Variants in MMEL1 observed in about 807,000 individuals in gnomAD.
MMEL1 encodes the protein membrane metalloendopeptidase like 1.
Under a neutral mutation model 117.1 loss-of-function variants are expected in MMEL1, and 98 were observed. That is an observed-to-expected ratio of 0.84 (90% CI 0.71 to 0.99). MMEL1 has a LOEUF of 0.99. Among genes scored for constraint, MMEL1 ranks in the 50% least tolerant of loss-of-function variants. MMEL1 has a pLI of 0.00. For missense variants in MMEL1, 1,014 were observed against 1,049.1 expected (o/e 0.97, Z 0.46); for synonymous variants, 390 against 415.1 (o/e 0.94, Z 0.74).
At chr1:2,594,759 C>G (rs370180695) in intron 17 of MMEL1, 31 bp downstream of exon 17, 3 of 1,579,458 alleles carry the variant, frequency 1.9e-6, no homozygotes, top group Non-Finnish European at 1.7e-6. Context: ...CTGGCCCCCC[C>G]CGCCCATGCC....
intron 11 of MMEL1, among the ~76,000 whole-genome samples, chr1:2,602,540 C>T (rs1014762980): frequency 2.0e-5 from 3 of 152,232 alleles, no homozygotes; most frequent in African/African-American, 7.2e-5. Flanking sequence ...GCTGCCATCT[C>T]TTGCCCGGGC....
rs768501690 is a variant in MMEL1 at position 2,607,067 on chromosome 1, C to A, written c.538G>T (p.Val180Leu). 3.7e-6 allele frequency: 6 copies of A among 1,611,880 alleles called. No homozygotes were observed. The African/African-American group carries it at 8.0e-5, about 21-fold the overall frequency. Residue 180 changes from valine (V) to leucine (L), a missense_variant and splice_region_variant, in exon 7 of 24, where the codon GTG becomes TTG. By Grantham distance (32) the Val-to-Leu change is conservative. Coordinates refer to ENST00000378412, the MANE Select transcript of MMEL1 (RefSeq NM_033467.4). Reference protein sequence around the residue: ...TLYRSCMNQSVIEKRGSQPLL... With the variant: ...TLYRSCMNQSLIEKRGSQPLL... ...GGCTGAGAGCCTCGCTTCTCTATCA[C>A]ACCTGAGAAGGGACGCAGTGGTCAC...
Position 2,615,247 on chromosome 1 carries a change from C to T in MMEL1, c.155-3043G>A, listed in dbSNP as rs549456988. ...AAGAAGGGAAAAAAGTAACTTGCAG[C>T]GCAGAAACCAGACACTACCTCCAGC... On this transcript the variant is annotated intron_variant, in intron 2 of 23. Transcript: ENST00000378412. Among the ~76,000 whole-genome samples the T allele has an allele frequency of 2.2e-4, 34 of 152,192 alleles. 1 individual carries two copies. Among genetic ancestry groups the T allele is most frequent in the Non-Finnish European group, 3.1e-4 (21 of 68,012 alleles).
Position 2,605,583 on chromosome 1 carries a change from T to C in MMEL1, c.791A>G (p.Tyr264Cys), listed in dbSNP as rs1645010460. The change falls in exon 9 of 24, where the codon TAC (tyrosine) becomes TGC (cysteine). Residue 264 changes from tyrosine to cysteine, a missense_variant. Coordinates refer to ENST00000378412, the MANE Select transcript of MMEL1 (RefSeq NM_033467.4). ...CTTCCGGTTGCTGCCGCCGTTGAAGTAGTACTCTCGGGAGGGCATGCCCAA... is the reference window on the plus strand; with the variant it reads ...CTTCCGGTTGCTGCCGCCGTTGAAGCAGTACTCTCGGGAGGGCATGCCCAA... The part of the protein sequence containing the change: ...PTLGMPSREY[Y>C]FNGGSNRKVR... 1 of 1,612,804 alleles carries C rather than the reference T, an allele frequency of 6.2e-7. No individual in the cohort carries two copies. The highest frequency in any genetic ancestry group is 1.7e-5 in the Admixed American group (1 of 59,950).
chr1:2,595,619 G>C lies in MMEL1; in HGVS notation c.1501-260C>G, dbSNP rs904196970. Reference sequence around the variant, plus strand: ...CCAACAGCCCGCCAGGGGTCCGGGTGGGGGCAGGGGCCCTGGAGGGGTCAC... The same window carrying C: ...CCAACAGCCCGCCAGGGGTCCGGGTCGGGGCAGGGGCCCTGGAGGGGTCAC... On this transcript the variant is annotated intron_variant, in intron 15 of 23. Transcript: ENST00000378412. This position sits in a 1 kb window ranked among gnomAD's most constrained non-coding sequence, Gnocchi z 4.8. 1.3e-5 allele frequency among the ~76,000 whole-genome samples: 2 copies of C among 152,168 alleles called. No homozygotes were observed. The highest frequency in any genetic ancestry group is 2.4e-5 in the African/African-American group (1 of 41,438).
rs374947484 is a variant in MMEL1 at position 2,604,136 on chromosome 1, G to A, written c.951+11C>T. On this transcript the variant is annotated intron_variant, in intron 10 of 23. Coordinates refer to ENST00000378412, the MANE Select transcript of MMEL1 (RefSeq NM_033467.4). ...TCGCTGCCCGCTCCCCACCCGCCCC[G>A]GCCCCCTTACCTTGGCCAGCTGTGT... is the stretch of plus-strand genomic sequence containing the variant. 79 of 818,856 alleles carry A rather than the reference G, an allele frequency of 9.6e-5. No individual in the cohort carries two copies. The Admixed American group carries it at 1.1e-3, about 11-fold the overall frequency. 50.7% of individuals were successfully genotyped at this position (818,856 alleles called of 1,614,324 possible).
chr1:2,631,224 G>A (rs537171593), intron 1 of MMEL1, among the ~76,000 whole-genome samples: 11 of 152,278 alleles, frequency 7.2e-5, no homozygotes, highest in South Asian at 6.2e-4. Flanking sequence ...GTCGTCACAC[G>A]CAATCACACA....
rs917710986 is a variant in MMEL1 at position 2,629,257 on chromosome 1, C to T, written c.154+74G>A. On this transcript the variant is annotated intron_variant, in intron 2 of 23. Transcript: ENST00000378412. ...GGGCTCGGGCTGGGGGCAGGCGGACCCTGCAGCAGGTGCAGCGGGGCGAGC... is the reference window on the plus strand; with the variant it reads ...GGGCTCGGGCTGGGGGCAGGCGGACTCTGCAGCAGGTGCAGCGGGGCGAGC... 6.9e-6 allele frequency: 10 copies of T among 1,442,310 alleles called. No homozygotes were observed. The African/African-American group carries it at 1.5e-4, about 21-fold the overall frequency. 89.3% of individuals were successfully genotyped at this position (1,442,310 alleles called of 1,614,324 possible). A position where few individuals can be genotyped will look rare whatever the true frequency, so the allele number is the denominator to read the frequency against.
intron 1 of MMEL1, among the ~76,000 whole-genome samples, chr1:2,631,115 G>A (rs1248860129): frequency 6.6e-6 from 1 of 152,198 alleles, no homozygotes; most frequent in Non-Finnish European, 1.5e-5. Flanking sequence ...GTGAGCACAT[G>A]CATGGATGTG....
chr1:2,611,276 C>A lies in MMEL1; in HGVS notation c.292+5G>T. On this transcript the variant is annotated splice_donor_5th_base_variant and intron_variant, in intron 4 of 23. Transcript: ENST00000378412. ...GGCTGTGGACGGCAAGGGGGCGGGG[C>A]TTACCTGCTATCACGCAGCCAGGGG... 1 of 1,577,414 alleles carries A rather than the reference C, an allele frequency of 6.3e-7. No individual in the cohort carries two copies. The highest frequency in any genetic ancestry group is 8.6e-7 in the Non-Finnish European group (1 of 1,163,542).
intron 8 of MMEL1, 29 bp from the exon 9 acceptor site, chr1:2,605,652 C>T: frequency 6.2e-7 from 1 of 1,600,236 alleles, no homozygotes; most frequent in South Asian, 1.1e-5. Flanking sequence ...TGACCCTGGG[C>T]AAGGGGCCCG....
intron 6 of MMEL1, 55 bp downstream of exon 6, chr1:2,609,284 G>A: frequency 6.4e-7 from 1 of 1,555,968 alleles, no homozygotes; most frequent in Non-Finnish European, 8.8e-7. Context: ...GGCCCTGGCA[G>A]GGGCAGCCCG....
intron 2 of MMEL1, among the ~76,000 whole-genome samples, chr1:2,616,263 G>A (rs1645198030): frequency 6.6e-6 from 1 of 150,764 alleles, no homozygotes; most frequent in Non-Finnish European, 1.5e-5. Context: ...GATCGCTTGA[G>A]TCTGGGAGGG....
intron 6 of MMEL1, among the ~76,000 whole-genome samples, chr1:2,608,805 TAC>T (rs1258204289): frequency 6.6e-6 from 1 of 151,782 alleles, no homozygotes. Context: ...CATATACATA[TAC>T]ACATATACAT....
chr1:2,621,733 T>C (rs1349241339), intron 2 of MMEL1, among the ~76,000 whole-genome samples: 1 of 152,144 alleles, frequency 6.6e-6, no homozygotes, highest in African/African-American at 2.4e-5. Context: ...CTGGCTAATT[T>C]TGTATTTTAA....
chr1:2,593,101 G>T, intron 19 of MMEL1, 135 bp from the exon 20 acceptor site: 1 of 1,160,480 alleles, frequency 8.6e-7, no homozygotes, highest in Non-Finnish European at 1.2e-6. Flanking sequence ...GTCTGAGTAG[G>T]CTGAGCCTGG....
chr1:2,610,791 TG>T (rs1309737599), intron 4 of MMEL1, among the ~76,000 whole-genome samples: 1 of 152,174 alleles, frequency 6.6e-6, no homozygotes, highest in Non-Finnish European at 1.5e-5. Flanking sequence ...CCTCTGGGGC[TG>T]GGGACCTCAC....
In MMEL1 at chr1:2,596,704, C is replaced by A; in HGVS notation, c.1273-15G>T. ...CCAAACAGCGCCTGGTGGGGCCACC[C>A]GATCATCCCACGGGCCCCCACGTCA... On this transcript the variant is annotated splice_polypyrimidine_tract_variant and intron_variant, in intron 13 of 23. Transcript: ENST00000378412. The A allele has an allele frequency of 6.2e-7, 1 of 1,610,456 alleles. No homozygotes were observed. Among genetic ancestry groups the A allele is most frequent in the African/African-American group, 1.3e-5 (1 of 75,044 alleles).
intron 19 of MMEL1, 42 bp downstream of exon 19, chr1:2,593,772 G>A (rs532361975): frequency 1.2e-5 from 18 of 1,536,056 alleles, no homozygotes; most frequent in South Asian, 8.6e-5. Context: ...GCTTCTCCGC[G>A]GAGAGGGGAG....
Sources: allele counts gnomAD v4.1 joint callset (sites outside exome capture counted in the v4.1 genomes callset), GRCh38; gene constraint gnomAD v4.1.1; non-coding constraint Gnocchi (gnomAD v3.1); transcripts MANE v1.5; gene names NCBI Gene and HGNC (gene_info 2026-07-23, HGNC 2026-07-21).